Variants in TMEM230 observed in about 807,000 individuals in gnomAD.
The protein encoded by TMEM230 is transmembrane protein 230.
A neutral mutation model predicts 15.8 loss-of-function variants in TMEM230; 10 were observed. The observed-to-expected ratio is 0.63, with a 90% CI of 0.39 to 1.07. The LOEUF is 1.07. Among genes scored for constraint, TMEM230 ranks in the 50% least tolerant of loss-of-function variants. The pLI is 0.01. For synonymous variants in TMEM230, 67 were observed against 76.9 expected (o/e 0.87, Z 0.68); for missense variants, 165 against 193.3 (o/e 0.85, Z 0.87).
At chr20:5,060,723 C>T in the TMEM230 span, among the ~76,000 whole-genome samples, 37 of 152,086 alleles carry the variant, frequency 2.4e-4, no homozygotes, top group Non-Finnish European at 5.4e-4. Context: ...TTTGTCATTT[C>T]CATTATTGTG....
chr20:5,104,047 AAT>A (rs548852022), intron 4 of TMEM230, among the ~76,000 whole-genome samples: 56 of 152,304 alleles, frequency 3.7e-4, no homozygotes, highest in South Asian at 1.0e-3. Flanking sequence ...TAATAACCAG[AAT>A]ATATAAGGAG....
chr20:5,079,034 CACATACAAAATTTT>C (rs1466006327), intron 3 of TMEM230, among the ~76,000 whole-genome samples: 1 of 152,350 alleles, frequency 6.6e-6, no homozygotes, highest in East Asian at 1.9e-4. Flanking sequence ...GCCCATTTAT[CACATACAAAATTTT>C]GCTGATATTT....
chr20:5,099,227 T>TC (rs1379180758), downstream of TMEM230, among the ~76,000 whole-genome samples: 16 of 84,640 alleles, frequency 1.9e-4, no homozygotes, highest in South Asian at 4.1e-4. Flanking sequence ...AATAAATAAA[T>TC]AAATAAATCA....
At chr20:5,084,847 C>T (rs112312046) in intron 3 of TMEM230, among the ~76,000 whole-genome samples, 5 of 152,304 alleles carry the variant, frequency 3.3e-5, no homozygotes, top group African/African-American at 9.6e-5. Context: ...TAATATTCCA[C>T]GTTGTATATG....
At chr20:5,111,695 T>C (rs1320267225) in intron 1 of TMEM230, 26 of 698,032 alleles carry the variant, frequency 3.7e-5, no homozygotes, top group Non-Finnish European at 4.6e-5. Context: ...AAAGGACTAG[T>C]TTTTCTCTGG....
At chr20:5,076,748 G>A (rs2089015033) in intron 3 of TMEM230, among the ~76,000 whole-genome samples, 1 of 145,402 alleles carries the variant, frequency 6.9e-6, no homozygotes, top group South Asian at 2.2e-4. Context: ...TACAGTCTTG[G>A]CTCACTGCAA....
At chr20:5,066,645 C>T (rs911440560), downstream of TMEM230, among the ~76,000 whole-genome samples, 5 of 142,638 alleles carry the variant, frequency 3.5e-5, no homozygotes, top group African/African-American at 5.3e-5. Flanking sequence ...CCAGCCTGGG[C>T]GATAGAGCGA....
chr20:5,063,277 ATTTTTTTTTTTTTTT>A (rs1165126313), downstream of TMEM230, among the ~76,000 whole-genome samples: 1 of 86,390 alleles, frequency 1.2e-5, no homozygotes, highest in Non-Finnish European at 2.0e-5. Context: ...GCTGCTATGA[ATTTTTTTTTTTTTTT>A]TTTTTTTTTT....
rs977579798 is a variant in TMEM230 at position 5,111,770 on chromosome 20, T to A, written c.69-165A>T. The A allele has an allele frequency of 6.1e-6, 6 of 981,866 alleles. No individual in the cohort carries two copies. The Admixed American group carries it at 1.8e-4, about 30-fold the overall frequency. 60.8% of individuals were successfully genotyped at this position (981,866 alleles called of 1,614,324 possible). ...AATGGTGGTTAGTACTTACCTAGTC[T>A]TTGTTAGATGCCAGCTGTTCTAAGT... On this transcript the variant is annotated intron_variant, in intron 1 of 4. Coordinates refer to ENST00000342308, the MANE Select transcript of TMEM230 (RefSeq NM_001009923.2).
Position 5,100,513 on chromosome 20 carries a change from A to G in TMEM230, c.*278T>C. ...GCTCAGCTCTACAGAGGGTGGTGGC[A>G]GGCAACACTTTTCCATTACAGAATA... is the stretch of plus-strand genomic sequence containing the variant. On this transcript the variant is annotated 3_prime_UTR_variant, in exon 5 of 5. Transcript: ENST00000342308. 1 of 1,156,766 alleles carries G rather than the reference A, an allele frequency of 8.6e-7. No individual in the cohort carries two copies. The highest frequency in any genetic ancestry group is 1.1e-6 in the Non-Finnish European group (1 of 935,840). 71.7% of individuals were successfully genotyped at this position (1,156,766 alleles called of 1,614,324 possible). A position where few individuals can be genotyped will look rare whatever the true frequency, so the allele number is the denominator to read the frequency against.
In TMEM230 at chr20:5,100,331, A is replaced by C; in HGVS notation, c.*460T>G. ...GAACTCACTGATCTTTGATTTTACTAAGGTCTTCCACTGGAACATGAAGGT... is the reference window on the plus strand; with the variant it reads ...GAACTCACTGATCTTTGATTTTACTCAGGTCTTCCACTGGAACATGAAGGT... On this transcript the variant is annotated 3_prime_UTR_variant, in exon 5 of 5. Coordinates refer to ENST00000342308, the MANE Select transcript of TMEM230 (RefSeq NM_001009923.2). 1 of 985,610 alleles carries C rather than the reference A, an allele frequency of 1.0e-6. No homozygotes were observed. The highest frequency in any genetic ancestry group is 1.2e-6 in the Non-Finnish European group (1 of 830,054). 61.1% of individuals were successfully genotyped at this position (985,610 alleles called of 1,614,324 possible). A position where few individuals can be genotyped will look rare whatever the true frequency, so the allele number is the denominator to read the frequency against.
downstream of TMEM230, among the ~76,000 whole-genome samples, chr20:5,097,086 A>G (rs1568494658): frequency 6.6e-6 from 1 of 152,200 alleles, no homozygotes; most frequent in Non-Finnish European, 1.5e-5. Context: ...CTTTTTAGAA[A>G]CGAAAAGAAC....
Position 5,111,504 on chromosome 20 carries a change from G to A in TMEM230, c.170C>T (p.Ser57Phe), listed in dbSNP as rs1393209103. 1.5e-5 allele frequency: 3 copies of A among 196,008 alleles called. No individual in the cohort carries two copies. The highest frequency in any genetic ancestry group is 2.2e-5 in the Non-Finnish European group (2 of 89,438). 12.1% of individuals were successfully genotyped at this position (196,008 alleles called of 1,614,324 possible). A position where few individuals can be genotyped will look rare whatever the true frequency, so the allele number is the denominator to read the frequency against. The change falls in exon 2 of 5, where the codon TCC (serine) becomes TTC (phenylalanine). Residue 57 changes from serine (S) to phenylalanine (F), a missense_variant. Ser to Phe is a radical substitution (Grantham distance 155, BLOSUM62 -2). Coordinates refer to ENST00000342308, the MANE Select transcript of TMEM230 (RefSeq NM_001009923.2). ...GGTGCCTGTAGTCCCACCTACTCGG[G>A]AGGCTGAAGCAGAAGAATCGCTTGA... is the stretch of plus-strand genomic sequence containing the variant.
chr20:5,072,228 T>A (rs1386769560), intron 3 of TMEM230, among the ~76,000 whole-genome samples: 2 of 152,092 alleles, frequency 1.3e-5, no homozygotes, highest in African/African-American at 4.8e-5. Flanking sequence ...TTTTTGTATT[T>A]TTTTGTAGAA....
At chr20:5,066,568 A>T (rs1375985855), downstream of TMEM230, among the ~76,000 whole-genome samples, 1 of 150,914 alleles carries the variant, frequency 6.6e-6, no homozygotes, top group Admixed American at 6.6e-5. Context: ...GCTACTTGGG[A>T]GGCTGAAGCA....
chr20:5,083,622 A>T (rs2089247505), intron 3 of TMEM230, among the ~76,000 whole-genome samples: 1 of 152,140 alleles, frequency 6.6e-6, no homozygotes, highest in Non-Finnish European at 1.5e-5. Context: ...ACAATCTTAA[A>T]ATCAATATTT....
At chr20:5,108,110 C>T (rs2090165601) in intron 3 of TMEM230, among the ~76,000 whole-genome samples, 1 of 151,054 alleles carries the variant, frequency 6.6e-6, no homozygotes, top group Non-Finnish European at 1.5e-5. Flanking sequence ...AAGACTACAT[C>T]TTAAAAACAA....
intron 4 of TMEM230, among the ~76,000 whole-genome samples, chr20:5,102,688 CAAAAAAA>C (rs58106156): frequency 2.2e-4 from 18 of 83,030 alleles, no homozygotes; most frequent in African/African-American, 6.0e-4. Flanking sequence ...GACCCTGTCT[CAAAAAAA>C]AAAAAAAAAA....
At chr20:5,094,904 G>A (rs1046356901), downstream of TMEM230, among the ~76,000 whole-genome samples, 2 of 151,862 alleles carry the variant, frequency 1.3e-5, no homozygotes, top group African/African-American at 2.4e-5. Flanking sequence ...TTACTGCCCA[G>A]GTTCCTCATG....
Sources: gnomAD v4.1 joint callset for allele counts (sites outside exome capture counted in the v4.1 genomes callset) on GRCh38, gnomAD v4.1.1 for gene constraint, MANE v1.5 for transcripts, NCBI Gene and HGNC (gene_info 2026-07-23, HGNC 2026-07-21) for gene names.